The following NDNF variants were observed in gnomAD, a reference collection of about 807,000 sequenced individuals.
NDNF encodes the protein protein NDNF.
Under a neutral mutation model 42.0 loss-of-function variants are expected in NDNF, and 16 were observed. That is an observed-to-expected ratio of 0.38 (90% CI 0.26 to 0.58). The LOEUF is 0.58. NDNF is among the 20% of genes least tolerant of loss of function. NDNF has a pLI of 0.67. For synonymous variants in NDNF, 248 were observed against 251.7 expected, an observed-to-expected ratio of 0.99 and a Z score of 0.14; for missense variants, 616 against 666.2, an observed-to-expected ratio of 0.92 and a Z score of 0.83.
chr4:121,038,364 A>G (rs75345755), intron 3 of NDNF, among the ~76,000 whole-genome samples: 1 of 113,620 alleles, frequency 8.8e-6, no homozygotes, highest in Non-Finnish European at 2.1e-5. Flanking sequence ...AATAAGATAA[A>G]ATAAAATAAA....
intron 1 of NDNF, among the ~76,000 whole-genome samples, chr4:121,050,429 CAG>C (rs1291096625): frequency 2.6e-5 from 4 of 152,176 alleles, no homozygotes; most frequent in Non-Finnish European, 5.9e-5. Flanking sequence ...TAACATCAAT[CAG>C]AGTTTCACTT....
At chr4:121,055,828 C>T (rs1056393190) in intron 1 of NDNF, among the ~76,000 whole-genome samples, 1 of 151,970 alleles carries the variant, frequency 6.6e-6, no homozygotes, top group Admixed American at 6.6e-5. Context: ...CACACGCACC[C>T]CAGAAGTTGC....
chr4:121,053,300 T>C (rs1038366896), intron 1 of NDNF, among the ~76,000 whole-genome samples: 1 of 152,218 alleles, frequency 6.6e-6, no homozygotes, highest in Non-Finnish European at 1.5e-5. Context: ...CGAATAAAGT[T>C]TCCATTCTGT....
intron 1 of NDNF, among the ~76,000 whole-genome samples, chr4:121,064,010 T>C (rs900874662): frequency 6.6e-6 from 1 of 152,202 alleles, no homozygotes; most frequent in Non-Finnish European, 1.5e-5. Flanking sequence ...CAGTCTACAA[T>C]TATGGTCTTG....
chr4:121,046,769 C>T (rs1727101200), intron 1 of NDNF, among the ~76,000 whole-genome samples: 1 of 152,212 alleles, frequency 6.6e-6, no homozygotes, highest in Admixed American at 6.5e-5. Flanking sequence ...TCATTCTCTA[C>T]TGCACATTGC....
intron 1 of NDNF, among the ~76,000 whole-genome samples, chr4:121,067,435 TTAAC>T (rs1370311179): frequency 1.3e-5 from 2 of 152,200 alleles, no homozygotes; most frequent in African/African-American, 2.4e-5. Flanking sequence ...CCAAGACCTA[TTAAC>T]TAACTTACTA....
Position 121,045,744 on chromosome 4 carries a change from T to A in NDNF, c.94A>T (p.Met32Leu). The A allele has an allele frequency of 6.2e-7, 1 of 1,614,200 alleles. No individual in the cohort carries two copies. The highest frequency in any genetic ancestry group is 1.1e-5 in the South Asian group (1 of 91,084). Residue 32 changes from methionine to leucine, a missense_variant, in exon 2 of 4, where the codon ATG (methionine) becomes TTG (leucine). Transcript: ENST00000379692. ...AAAAATGCCTTGTCCCGGATCTGCA[T>A]CTGAAAAAGTTCCTCATCCCGGGTG... The part of the protein sequence containing the change: ...LPTRDEELFQ[M>L]QIRDKAFFHD...
chr4:121,048,799 C>A (rs1322000424), intron 1 of NDNF, among the ~76,000 whole-genome samples: 1 of 152,100 alleles, frequency 6.6e-6, no homozygotes, highest in Non-Finnish European at 1.5e-5. Flanking sequence ...GATCACGCCA[C>A]TGCACTCCAG....
chr4:121,068,414 G>T (rs930424451), intron 1 of NDNF, among the ~76,000 whole-genome samples: 1 of 152,180 alleles, frequency 6.6e-6, no homozygotes, highest in African/African-American at 2.4e-5. Context: ...CAACCACGCT[G>T]TGGCTTCTAT....
chr4:121,061,582 T>A (rs944869476), intron 1 of NDNF: 3 of 152,268 alleles, frequency 2.0e-5, no homozygotes, highest in Non-Finnish European at 4.4e-5. Context: ...CCTCTTCTCA[T>A]GTCTGAGTTC....
chr4:121,063,381 T>C (rs1727446459), intron 1 of NDNF, among the ~76,000 whole-genome samples: 1 of 152,226 alleles, frequency 6.6e-6, no homozygotes, highest in African/African-American at 2.4e-5. Flanking sequence ...TGTTTTATTA[T>C]TTCCTTTTTC....
intron 1 of NDNF, among the ~76,000 whole-genome samples, chr4:121,046,559 G>GT (rs1727096971): frequency 1.3e-5 from 2 of 152,152 alleles, no homozygotes; most frequent in Admixed American, 1.3e-4. Flanking sequence ...TTGTTATCAG[G>GT]TACCAGAGTC....
At chr4:121,069,731 C>G (rs1727557868) in intron 1 of NDNF, among the ~76,000 whole-genome samples, 2 of 152,172 alleles carry the variant, frequency 1.3e-5, no homozygotes, top group African/African-American at 4.8e-5. Context: ...CTTGTAATTT[C>G]TTTCTCTAAA....
chr4:121,058,382 G>A (rs1433311176), intron 1 of NDNF, among the ~76,000 whole-genome samples: 2 of 152,032 alleles, frequency 1.3e-5, no homozygotes, highest in East Asian at 3.9e-4. Context: ...ATAACTCAGC[G>A]GACACCTCTG....
rs545786409 is a variant in NDNF, at chr4:121,035,765, G to T, written c.*499C>A. On this transcript the variant is annotated 3_prime_UTR_variant, in exon 4 of 4. Transcript: ENST00000379692. ...CAATAGCAATATAACTGACTAGAGG[G>T]CTATCAACTTAATAATACTTAGATT... The T allele has an allele frequency of 6.6e-6, 1 of 152,500 alleles. No homozygotes were observed. The highest frequency in any genetic ancestry group is 2.1e-4 in the South Asian group (1 of 4,822). The allele number at this position is 152,500 out of a possible 1,614,324, so 9.4% of individuals were successfully genotyped here.
chr4:121,043,035 G>A (rs1048989510), intron 2 of NDNF, among the ~76,000 whole-genome samples: 9 of 152,248 alleles, frequency 5.9e-5, no homozygotes, highest in African/African-American at 1.2e-4. Flanking sequence ...ATGATAATTT[G>A]AATATACTTA....
At position 121,036,971 on chromosome 4, in the gene NDNF, T is replaced by C. The variant is rs1318441090; in HGVS notation, c.1000A>G (p.Thr334Ala). ...STAYVGTFAR[T>A]KEEAKQKTVE... ...GTCTTCTGTTTGGCTTCTTCCTTGGTCCTGGCAAAGGTACCTACATAAGCG... is the reference window on the plus strand; with the variant it reads ...GTCTTCTGTTTGGCTTCTTCCTTGGCCCTGGCAAAGGTACCTACATAAGCG... Residue 334 changes from threonine (T) to alanine (A), a missense_variant, in exon 4 of 4, where the codon ACC becomes GCC. Physicochemically the swap from Thr to Ala is moderately conservative, Grantham distance 58 (BLOSUM62 0). Coordinates refer to ENST00000379692, the MANE Select transcript of NDNF (RefSeq NM_024574.4). 6.2e-7 allele frequency: 1 copy of C among 1,614,032 alleles called. No homozygotes were observed.
intron 1 of NDNF, among the ~76,000 whole-genome samples, chr4:121,070,364 G>A (rs1727569174): frequency 6.6e-6 from 1 of 152,106 alleles, no homozygotes; most frequent in South Asian, 2.1e-4. Flanking sequence ...CCCTTGGGAG[G>A]GATGTTTTAT....
rs1285870003 is a variant in NDNF, at chr4:121,035,664, T to C, written c.*600A>G. 1 of 152,354 alleles carries C rather than the reference T, an allele frequency of 6.6e-6. No homozygotes were observed. Among genetic ancestry groups the C allele is most frequent in the Admixed American group, 6.6e-5 (1 of 15,264 alleles). The allele number at this position is 152,354 out of a possible 1,614,324, so 9.4% of individuals were successfully genotyped here. A position where few individuals can be genotyped will look rare whatever the true frequency, so the allele number is the denominator to read the frequency against. On this transcript the variant is annotated 3_prime_UTR_variant, in exon 4 of 4. Transcript: ENST00000379692. The stretch of plus-strand genomic sequence containing the variant: ...TCTAATCTCTTTAATTTTATGTACA[T>C]GAATATAATGTATGTCAACTTTGTA...
Sources: allele counts gnomAD v4.1 joint callset (sites outside exome capture counted in the v4.1 genomes callset), GRCh38; gene constraint gnomAD v4.1.1; transcripts MANE v1.5; gene names NCBI Gene and HGNC (gene_info 2026-07-23, HGNC 2026-07-21).